GUCY1A2: variants seen among roughly 807,000 people sequenced by gnomAD.
GUCY1A2 encodes the protein guanylate cyclase soluble subunit alpha-2.
GUCY1A2 carries 27 observed loss-of-function variants against 63.5 expected under a neutral mutation model. That is an observed-to-expected ratio of 0.43 (90% confidence interval 0.31 to 0.59). The LOEUF is 0.59. Among genes scored for constraint, GUCY1A2 ranks in the 20% least tolerant of loss-of-function variants. The pLI is 0.11. For synonymous variants in GUCY1A2, 364 were observed against 343.5 expected (o/e 1.06, Z -0.66); for missense variants, 768 against 913.3 (o/e 0.84, Z 2.05).
At chr11:106,795,974 T>C (rs1001097657) in intron 5 of GUCY1A2, among the ~76,000 whole-genome samples, 1 of 152,166 alleles carries the variant, frequency 6.6e-6, no homozygotes, top group Non-Finnish European at 1.5e-5. Flanking sequence ...AGGACTTGCT[T>C]TATGAATCTG....
rs181810029 is a variant in GUCY1A2, at chr11:106,778,554, G to A, written c.1693-1972C>T. Among the ~76,000 whole-genome samples, 339 of 152,044 alleles carry A rather than the reference G, an allele frequency of 2.2e-3. 5 individuals are homozygous for A. Among genetic ancestry groups the A allele is most frequent in the Admixed American group, 0.019 (286 of 15,274 alleles). On this transcript the variant is annotated intron_variant, in intron 5 of 7. Coordinates refer to ENST00000526355, the MANE Select transcript of GUCY1A2 (RefSeq NM_000855.3). ...CGGGCACCTGTAGTCCCAGCTACTC[G>A]GGAGACTGAGGTAGGAGAATGGTGT... is the stretch of plus-strand genomic sequence containing the variant.
chr11:106,772,334 G>A (rs1246070354), intron 6 of GUCY1A2, among the ~76,000 whole-genome samples: 1 of 151,952 alleles, frequency 6.6e-6, no homozygotes, highest in African/African-American at 2.4e-5. Context: ...CATAATTTGA[G>A]GTAAACAGTA....
intron 3 of GUCY1A2, among the ~76,000 whole-genome samples, chr11:106,951,317 A>G (rs896830346): frequency 1.3e-5 from 2 of 152,202 alleles, no homozygotes; most frequent in South Asian, 2.1e-4. Flanking sequence ...GAATCGCCAC[A>G]CTGTCTTCCA....
chr11:106,871,530 G>A (rs774919811), intron 4 of GUCY1A2, among the ~76,000 whole-genome samples: 8 of 152,018 alleles, frequency 5.3e-5, no homozygotes, highest in Non-Finnish European at 5.9e-5. Context: ...TGCCACCATG[G>A]TCACAAGGAA....
intron 4 of GUCY1A2, among the ~76,000 whole-genome samples, chr11:106,836,844 A>C (rs1397768229): frequency 2.6e-5 from 4 of 151,952 alleles, no homozygotes; most frequent in Non-Finnish European, 4.4e-5. Flanking sequence ...ACATCTTTAC[A>C]TTTGTTTACA....
At chr11:107,014,243 C>T (rs1009031661) in intron 1 of GUCY1A2, among the ~76,000 whole-genome samples, 2 of 151,990 alleles carry the variant, frequency 1.3e-5, no homozygotes, top group African/African-American at 4.8e-5. Context: ...TGCACGCCAC[C>T]ATGCCCAGCT....
At chr11:106,897,168 A>G (rs1860062356) in intron 4 of GUCY1A2, among the ~76,000 whole-genome samples, 1 of 152,166 alleles carries the variant, frequency 6.6e-6, no homozygotes. Flanking sequence ...TGAAGAAAAT[A>G]ACAAAACTCT....
At chr11:106,746,267 C>A (rs191285387) in intron 6 of GUCY1A2, among the ~76,000 whole-genome samples, 2 of 152,116 alleles carry the variant, frequency 1.3e-5, no homozygotes, top group Admixed American at 6.5e-5. Context: ...GTGACTGGGG[C>A]AAGTGTCTTC....
chr11:106,741,913 C>G (rs1295023575), intron 6 of GUCY1A2, among the ~76,000 whole-genome samples: 1 of 152,192 alleles, frequency 6.6e-6, no homozygotes, highest in Non-Finnish European at 1.5e-5. Context: ...TTCACTTCCA[C>G]ATAGTGCATA....
chr11:106,735,895 C>A (rs1334924957), intron 6 of GUCY1A2, among the ~76,000 whole-genome samples: 2 of 152,044 alleles, frequency 1.3e-5, no homozygotes, highest in African/African-American at 4.8e-5. Context: ...TGTTTAGCAC[C>A]TTTTCATATA....
At chr11:106,746,831 TGA>T (rs72365704) in intron 6 of GUCY1A2, among the ~76,000 whole-genome samples, 10,151 of 152,098 alleles carry the variant, frequency 0.067, 511 homozygotes, top group African/African-American at 0.15. Context: ...TTTGAAGGGA[TGA>T]GAGAATATTC....
At chr11:106,752,666 C>T (rs916676460) in intron 6 of GUCY1A2, among the ~76,000 whole-genome samples, 1 of 152,124 alleles carries the variant, frequency 6.6e-6, no homozygotes, top group Non-Finnish European at 1.5e-5. Context: ...CAGCTTCATC[C>T]ATGTCCCTGC....
chr11:106,889,946 C>T (rs1390469915), intron 4 of GUCY1A2, among the ~76,000 whole-genome samples: 2 of 152,150 alleles, frequency 1.3e-5, no homozygotes, highest in Non-Finnish European at 2.9e-5. Flanking sequence ...AACTTCTGTA[C>T]TAAGAGTCCA....
intron 4 of GUCY1A2, among the ~76,000 whole-genome samples, chr11:106,895,096 C>T (rs1240648174): frequency 3.3e-5 from 5 of 150,922 alleles, no homozygotes. Flanking sequence ...CTGGACATTA[C>T]AAGAATAACA....
chr11:106,777,718 T>TTATC (rs398039548), intron 5 of GUCY1A2, among the ~76,000 whole-genome samples: 1 of 45,112 alleles, frequency 2.2e-5, no homozygotes, highest in Non-Finnish European at 4.8e-5. Context: ...ATTAGGAGAA[T>TTATC]ATCTAATGTA....
intron 1 of GUCY1A2, among the ~76,000 whole-genome samples, chr11:106,989,301 T>C (rs1861441377): frequency 6.6e-6 from 1 of 152,216 alleles, no homozygotes; most frequent in African/African-American, 2.4e-5. Flanking sequence ...TAGATGACCT[T>C]GGGCAATTTA....
At chr11:106,810,517 C>T in intron 4 of GUCY1A2, 39 bp from the exon 5 acceptor site, 1 of 1,500,968 alleles carries the variant, frequency 6.7e-7, no homozygotes, top group Non-Finnish European at 8.9e-7. Flanking sequence ...GTACTCTTCA[C>T]ATAGTAGGTT....
At chr11:106,788,330 C>T (rs969081637) in intron 5 of GUCY1A2, among the ~76,000 whole-genome samples, 1 of 151,924 alleles carries the variant, frequency 6.6e-6, no homozygotes, top group African/African-American at 2.4e-5. Context: ...TTCTCCCATT[C>T]TGTGGGTTGT....
Position 106,675,804 on chromosome 11 carries a change from GT to G in GUCY1A2, c.*11744del. On this transcript the variant is annotated 3_prime_UTR_variant, in exon 8 of 8. Transcript: ENST00000526355. ...ATACCAATTTATATGGTAGCTGCCTGTTTTTTCACAATTTCAAAATAAGTCA... is the reference window on the plus strand; with the variant it reads ...ATACCAATTTATATGGTAGCTGCCTGTTTTTCACAATTTCAAAATAAGTCA... The G allele has an allele frequency of 5.3e-6, 1 of 188,772 alleles. No individual in the cohort carries two copies. Among genetic ancestry groups the G allele is most frequent in the Non-Finnish European group, 1.1e-5 (1 of 89,728 alleles). 11.7% of individuals were successfully genotyped at this position (188,772 alleles called of 1,614,324 possible).
Sources: allele counts gnomAD v4.1 joint callset (sites outside exome capture counted in the v4.1 genomes callset), GRCh38; gene constraint gnomAD v4.1.1; transcripts MANE v1.5; gene names NCBI Gene and HGNC (gene_info 2026-07-23, HGNC 2026-07-21).